Variants in U2SURP observed in about 807,000 individuals in gnomAD.
U2SURP encodes the protein U2 snRNP associated SURP domain containing.
U2SURP carries 9 observed loss-of-function variants against 144.9 expected under a neutral mutation model. The observed-to-expected ratio is 0.06, with a 90% confidence interval of 0.04 to 0.11. The LOEUF (loss-of-function observed/expected upper bound fraction) is 0.11, where lower values mean the gene tolerates loss of function less well. U2SURP is among the 10% of genes least tolerant of loss of function. The pLI is 1.00. For missense variants in U2SURP, 724 were observed against 1,226.7 expected (o/e 0.59, Z 6.12); for synonymous variants, 408 against 396.8 (o/e 1.03, Z -0.33).
chr3:143,027,247 T>C lies in U2SURP; in HGVS notation c.1373T>C (p.Met458Thr). ...ATGAACAGAGAAATCAACAATCCTA[T>C]GTTCAGGTGTGCATTTTTTAAAAAT... ...MIMNREINNP[M>T]FRFLFENQTP... Residue 458 changes from methionine (M) to threonine (T), a missense_variant, in exon 14 of 28, where the codon ATG becomes ACG. Transcript: ENST00000473835. 1 of 1,610,396 alleles carries C rather than the reference T, an allele frequency of 6.2e-7. No homozygotes were observed. The highest frequency in any genetic ancestry group is 8.5e-7 in the Non-Finnish European group (1 of 1,177,936).
At chr3:143,001,812 C>T (rs942189239) in intron 1 of U2SURP, 139 bp downstream of exon 1, 2 of 1,124,044 alleles carry the variant, frequency 1.8e-6, no homozygotes, top group Admixed American at 2.3e-5. Flanking sequence ...GCCGCCGCAC[C>T]GTTGTGCGCA....
chr3:143,030,805 G>A (rs1403760858), intron 16 of U2SURP, among the ~76,000 whole-genome samples: 16 of 152,072 alleles, frequency 1.1e-4, no homozygotes, highest in African/African-American at 3.6e-4. Context: ...CAGCACTATG[G>A]GAGGCCGAGG....
intron 1 of U2SURP, among the ~76,000 whole-genome samples, chr3:143,003,008 T>TAGCTAC (rs1327781070): frequency 6.6e-6 from 1 of 152,200 alleles, no homozygotes. Context: ...TTACTAAAGC[T>TAGCTAC]AGCTACGTTC....
intron 24 of U2SURP, among the ~76,000 whole-genome samples, chr3:143,047,893 C>CCCA (rs1934622999): frequency 6.8e-6 from 1 of 147,234 alleles, no homozygotes; most frequent in African/African-American, 2.5e-5. Flanking sequence ...CCCCCCCCAA[C>CCCA]CTCCCTCCCG....
At chr3:143,022,393 G>A (rs747278277) in intron 10 of U2SURP, 104 bp from the exon 11 acceptor site, 21 of 1,093,048 alleles carry the variant, frequency 1.9e-5, no homozygotes, top group Non-Finnish European at 2.5e-5. Flanking sequence ...ATTGAAGCAC[G>A]TTGCTATGTT....
intron 25 of U2SURP, among the ~76,000 whole-genome samples, chr3:143,053,200 A>G (rs934332306): frequency 1.3e-5 from 2 of 152,072 alleles, no homozygotes; most frequent in Non-Finnish European, 1.5e-5. Context: ...AGGGCAGTAC[A>G]TTGTTAGCTT....
At chr3:143,012,153 C>G in intron 2 of U2SURP, 69 bp from the exon 3 acceptor site, 1 of 1,543,402 alleles carries the variant, frequency 6.5e-7, no homozygotes, top group South Asian at 1.2e-5. Flanking sequence ...TGGCTTATTC[C>G]TAGTTTTCAG....
At position 143,043,207 on chromosome 3, in the gene U2SURP, G is replaced by A. The variant is rs1158591589; in HGVS notation, c.2475G>A (p.Met825Ile). ...ACTCTAATCCAATCAAAGAAGAAAT[G>A]ACTGAGTCTAAGTTCTCTAAGTACT... Reference protein sequence around the residue: ...HLYSNPIKEEMTESKFSKYSE... With the variant: ...HLYSNPIKEEITESKFSKYSE... The change falls in exon 24 of 28, where the codon ATG becomes ATA. Residue 825 changes from methionine (M) to isoleucine (I), a missense_variant. Physicochemically the swap from Met to Ile is conservative, Grantham distance 10. This residue lies in a region of U2SURP where 18 missense variants were observed against 48.8 expected (regional missense o/e 0.37). Coordinates refer to ENST00000473835, the MANE Select transcript of U2SURP (RefSeq NM_001080415.2). 5.6e-6 allele frequency: 9 copies of A among 1,604,120 alleles called. No individual in the cohort carries two copies. The highest frequency in any genetic ancestry group is 1.3e-5 in the African/African-American group (1 of 74,808).
chr3:143,044,362 C>T (rs1934300603), intron 24 of U2SURP, among the ~76,000 whole-genome samples: 1 of 129,206 alleles, frequency 7.7e-6, no homozygotes, highest in South Asian at 2.5e-4. Context: ...GACCATAGCT[C>T]ACTGCAACAT....
intron 26 of U2SURP, among the ~76,000 whole-genome samples, chr3:143,054,018 C>T (rs1935020550): frequency 6.6e-6 from 1 of 152,158 alleles, no homozygotes; most frequent in Non-Finnish European, 1.5e-5. Context: ...TATATGGTAT[C>T]CTTAGCCTTA....
At chr3:143,014,946 A>C in intron 4 of U2SURP, among the ~76,000 whole-genome samples, 1 of 152,014 alleles carries the variant, frequency 6.6e-6, no homozygotes, top group Non-Finnish European at 1.5e-5. Context: ...TGCTAGTGTT[A>C]TCTTTGGGAT....
chr3:143,033,275 C>G lies in U2SURP; in HGVS notation c.1778C>G (p.Ala593Gly). The change falls in exon 18 of 28, where the codon GCC becomes GGC. Residue 593 changes from alanine (A) to glycine (G), a missense_variant. By Grantham distance (60) the Ala-to-Gly change is moderately conservative. This residue lies in a region of U2SURP where 19 missense variants were observed against 62.2 expected (regional missense o/e 0.31). Transcript: ENST00000473835. Reference protein sequence around the residue: ...ILKTPLPKKIARLYLVSDVLY... With the variant: ...ILKTPLPKKIGRLYLVSDVLY... The stretch of plus-strand genomic sequence containing the variant: ...TGTTATCTTTTGATATTATAGATTG[C>G]CAGATTATATTTGGTTTCTGATGTT... The G allele has an allele frequency of 6.5e-7, 1 of 1,532,252 alleles. No individual in the cohort carries two copies. The highest frequency in any genetic ancestry group is 8.8e-7 in the Non-Finnish European group (1 of 1,130,880). 94.9% of individuals were successfully genotyped at this position (1,532,252 alleles called of 1,614,324 possible).
chr3:143,007,600 C>T (rs1478656255), intron 1 of U2SURP, among the ~76,000 whole-genome samples: 1 of 152,036 alleles, frequency 6.6e-6, no homozygotes, highest in Non-Finnish European at 1.5e-5. Context: ...CGCCACCGCA[C>T]CTGGCCAATT....
At chr3:143,004,581 C>CCCG (rs1329988916) in intron 1 of U2SURP, among the ~76,000 whole-genome samples, 1 of 129,870 alleles carries the variant, frequency 7.7e-6, no homozygotes, top group African/African-American at 3.1e-5. Context: ...TGACCCCCCC[C>CCCG]CCCCGCCTCG....
intron 23 of U2SURP, among the ~76,000 whole-genome samples, chr3:143,042,271 T>G (rs566569312): frequency 6.6e-6 from 1 of 152,090 alleles, no homozygotes; most frequent in African/African-American, 2.4e-5. Flanking sequence ...TTTGCTAATA[T>G]ATAAAATGCA....
chr3:143,010,303 A>G (rs1487444620), intron 1 of U2SURP, among the ~76,000 whole-genome samples: 1 of 152,240 alleles, frequency 6.6e-6, no homozygotes, highest in Non-Finnish European at 1.5e-5. Flanking sequence ...CGAGTTGTAA[A>G]TGGTGCCTTA....
At chr3:143,033,003 T>A in intron 17 of U2SURP, 57 bp downstream of exon 17, 1 of 1,562,704 alleles carries the variant, frequency 6.4e-7, no homozygotes, top group Non-Finnish European at 8.7e-7. Flanking sequence ...GGGATTAGAA[T>A]TGGTTTCCTT....
intron 2 of U2SURP, 122 bp downstream of exon 2, chr3:143,010,981 CTCT>C (rs1936093685): frequency 1.4e-6 from 1 of 699,226 alleles, no homozygotes; most frequent in Non-Finnish European, 2.2e-6. Context: ...TTTTCTTTTA[CTCT>C]TTTTTTTCTA....
At chr3:143,015,144 C>A (rs923738665) in intron 4 of U2SURP, among the ~76,000 whole-genome samples, 1 of 152,080 alleles carries the variant, frequency 6.6e-6, no homozygotes, top group Non-Finnish European at 1.5e-5. Context: ...CAGTAGAGGA[C>A]TTTTGCCAAT....
Sources: gnomAD v4.1 joint callset for allele counts (sites outside exome capture counted in the v4.1 genomes callset) on GRCh38, gnomAD v4.1.1 for gene constraint, gnomAD v4.1.1 regional missense constraint, MANE v1.5 for transcripts, NCBI Gene and HGNC (gene_info 2026-07-23, HGNC 2026-07-21) for gene names.